DOP1A: variants seen among roughly 807,000 people sequenced by gnomAD.
DOP1A encodes the protein DOP1 leucine zipper like protein A.
In DOP1A, 90 loss-of-function variants were observed where a neutral mutation model predicts 267.6. The observed-to-expected ratio is 0.34, with a 90% CI of 0.28 to 0.40. The LOEUF is 0.40. Among genes scored for constraint, DOP1A ranks in the 10% least tolerant of loss-of-function variants. DOP1A has a pLI of 1.00. For synonymous variants in DOP1A, 932 were observed against 999.1 expected (o/e 0.93, Z 1.27); for missense variants, 2,437 against 2,900.4 (o/e 0.84, Z 3.67).
intron 3 of DOP1A, among the ~76,000 whole-genome samples, chr6:83,099,047 A>G (rs1046768088): frequency 6.6e-6 from 1 of 151,770 alleles, no homozygotes; most frequent in Admixed American, 6.6e-5. Flanking sequence ...TAGGGAGAAA[A>G]AGGAGATGAG....
At chr6:83,111,925 T>G (rs546442488) in intron 6 of DOP1A, among the ~76,000 whole-genome samples, 1 of 152,272 alleles carries the variant, frequency 6.6e-6, no homozygotes, top group East Asian at 1.9e-4. Context: ...GCTTGTGCTT[T>G]TGGTGTTATA....
chr6:83,166,985 A>G, intron 38 of DOP1A: 9 of 985,950 alleles, frequency 9.1e-6, no homozygotes, highest in Non-Finnish European at 1.1e-5. Flanking sequence ...AAGTTCAACC[A>G]ACCTGTTCTC....
intron 4 of DOP1A, 130 bp downstream of exon 4, chr6:83,101,016 CTT>C (rs1362928309): frequency 1.8e-5 from 10 of 552,188 alleles, no homozygotes; most frequent in Non-Finnish European, 2.7e-5. Flanking sequence ...AGATATCAAT[CTT>C]TGTTTTGTTT....
chr6:83,116,736 G>C (rs1168551514), intron 7 of DOP1A, among the ~76,000 whole-genome samples: 1 of 152,072 alleles, frequency 6.6e-6, no homozygotes, highest in Non-Finnish European at 1.5e-5. Context: ...ACTTGAACCT[G>C]GGAGGCAGAG....
At chr6:83,091,792 T>G (rs367633697) in intron 1 of DOP1A, among the ~76,000 whole-genome samples, 56 of 152,324 alleles carry the variant, frequency 3.7e-4, no homozygotes, top group African/African-American at 1.3e-3. Context: ...TCTGGAAATC[T>G]TGCTAAGGAA....
chr6:83,147,478 A>C (rs1220273364), intron 26 of DOP1A, among the ~76,000 whole-genome samples, 187 bp downstream of exon 26: 2 of 152,184 alleles, frequency 1.3e-5, no homozygotes, highest in Non-Finnish European at 2.9e-5. Context: ...AAATCATTTA[A>C]ACATAAATGA....
chr6:83,167,885 A>G lies in DOP1A; in HGVS notation c.7116A>G (p.Ser2372=), dbSNP rs1562401165. The part of the protein sequence containing the change: ...RAKKNPEEDN[S]GRTLGWEPGH... ...AGAAAAATCCAGAGGAAGACAACTC[A>G]GGGAGAACATTGGGTTGGGAGCCAG... Residue 2372 remains serine (S), a synonymous_variant, in exon 39 of 39, where the codon TCA becomes TCG. Coordinates refer to ENST00000349129, the MANE Select transcript of DOP1A (RefSeq NM_015018.4). 6.2e-7 allele frequency: 1 copy of G among 1,611,752 alleles called. No homozygotes were observed. Among genetic ancestry groups the G allele is most frequent in the Non-Finnish European group, 8.5e-7 (1 of 1,178,392 alleles).
chr6:83,094,399 C>G (rs529574161), intron 1 of DOP1A, among the ~76,000 whole-genome samples: 1 of 152,128 alleles, frequency 6.6e-6, no homozygotes, highest in Non-Finnish European at 1.5e-5. Context: ...ATTTTCATTT[C>G]TCTTGTGTCT....
chr6:83,131,474 T>C (rs1186007857), intron 17 of DOP1A, among the ~76,000 whole-genome samples: 2 of 152,226 alleles, frequency 1.3e-5, no homozygotes, highest in East Asian at 3.8e-4. Flanking sequence ...AGGTTTTAAG[T>C]AGTTTGGATA....
chr6:83,145,725 T>G, intron 25 of DOP1A, 67 bp downstream of exon 25: 1 of 1,525,882 alleles, frequency 6.6e-7, no homozygotes. Context: ...GTAAGATTTT[T>G]TTTTGTACAA....
chr6:83,112,457 C>T (rs989110548), intron 6 of DOP1A, among the ~76,000 whole-genome samples: 2 of 151,922 alleles, frequency 1.3e-5, no homozygotes, highest in Admixed American at 1.3e-4. Context: ...AGAAACCTAA[C>T]ATAAAGCATT....
At chr6:83,083,349 A>C (rs1768484276) in intron 1 of DOP1A, among the ~76,000 whole-genome samples, 1 of 151,734 alleles carries the variant, frequency 6.6e-6, no homozygotes, top group Non-Finnish European at 1.5e-5. Context: ...TAGCCGGAAA[A>C]GTTTTTTGAA....
chr6:83,074,684 A>C (rs544161153), intron 1 of DOP1A, among the ~76,000 whole-genome samples: 1 of 152,324 alleles, frequency 6.6e-6, no homozygotes, highest in East Asian at 1.9e-4. Flanking sequence ...TTCTGAGCAC[A>C]TTTAAGGTAG....
chr6:83,104,117 A>G (rs988610896), intron 4 of DOP1A, among the ~76,000 whole-genome samples: 7 of 152,182 alleles, frequency 4.6e-5, no homozygotes, highest in Admixed American at 1.3e-4. Flanking sequence ...TTGCTGCTAG[A>G]ATGTAGAAAT....
At chr6:83,128,752 G>A (rs1253104737) in intron 15 of DOP1A, 135 bp from the exon 16 acceptor site, 4 of 946,570 alleles carry the variant, frequency 4.2e-6, no homozygotes, top group Non-Finnish European at 6.0e-6. Flanking sequence ...AATCAGTGTG[G>A]GGCTGCTTTA....
downstream of DOP1A, chr6:83,169,384 A>G: frequency 6.3e-7 from 1 of 1,584,840 alleles, no homozygotes; most frequent in Admixed American, 1.7e-5. Flanking sequence ...AACATGGGCA[A>G]GACCATGTTA....
chr6:83,165,498 TA>T (rs1457615243), intron 38 of DOP1A: 2 of 154,600 alleles, frequency 1.3e-5, no homozygotes, highest in African/African-American at 2.4e-5. Flanking sequence ...CACAAATCTT[TA>T]TTAATTAAAA....
downstream of DOP1A, chr6:83,169,302 G>A (rs770156095): frequency 4.1e-5 from 66 of 1,613,536 alleles, no homozygotes; most frequent in African/African-American, 6.7e-5. Context: ...CTCACTTCAT[G>A]TGCAAGGTGA....
At chr6:83,164,631 G>C in intron 38 of DOP1A, 1 of 1,554,888 alleles carries the variant, frequency 6.4e-7, no homozygotes, top group Admixed American at 1.9e-5. Context: ...TGGAACAAAG[G>C]CTGTGAGTTC....
Sources: allele counts gnomAD v4.1 joint callset (sites outside exome capture counted in the v4.1 genomes callset), GRCh38; gene constraint gnomAD v4.1.1; transcripts MANE v1.5; gene names NCBI Gene and HGNC (gene_info 2026-07-23, HGNC 2026-07-21).